Variants in RBMS3 observed in about 807,000 individuals in gnomAD.
RBMS3 encodes the protein RNA-binding motif, single-stranded-interacting protein 3.
Under a neutral mutation model 66.8 loss-of-function variants are expected in RBMS3, and 27 were observed. That is an observed-to-expected ratio of 0.40 (90% CI 0.30 to 0.56). The LOEUF (loss-of-function observed/expected upper bound fraction) is 0.56, where lower values mean the gene tolerates loss of function less well. RBMS3 is among the 20% of genes least tolerant of loss of function. The probability of loss-of-function intolerance (pLI) is 0.40; values close to 1 mark genes in which losing one functional copy is unlikely to be tolerated. For synonymous variants in RBMS3, 188 were observed against 183.0 expected (o/e 1.03, Z -0.22); for missense variants, 513 against 549.5 (o/e 0.93, Z 0.66).
At chr3:29,824,619 A>G (rs1358926481) in intron 6 of RBMS3, among the ~76,000 whole-genome samples, 5 of 152,162 alleles carry the variant, frequency 3.3e-5, no homozygotes, top group African/African-American at 1.2e-4. Flanking sequence ...ACCACTTCAC[A>G]GCAATTGCAG....
chr3:29,482,707 T>TTTC lies in RBMS3; in HGVS notation c.249-5732_249-5731insCTT, dbSNP rs1305627311. 1.5e-3 allele frequency among the ~76,000 whole-genome samples: 169 copies of TTTC among 109,576 alleles called. 2 individuals are homozygous for TTTC. The highest frequency in any genetic ancestry group is 5.3e-3 in the African/African-American group (125 of 23,778). The allele number at this position is 109,576 out of a possible 152,430, so 71.9% of individuals were successfully genotyped here. A position where few individuals can be genotyped will look rare whatever the true frequency, so the allele number is the denominator to read the frequency against. On this transcript the variant is annotated intron_variant, in intron 2 of 14. Coordinates refer to ENST00000383767, the MANE Select transcript of RBMS3 (RefSeq NM_001003793.3). Reference sequence around the variant, plus strand: ...CCATTTTCTTTCTTTCTTTCTTTTTTTTTTTTTTTTTTTTTTTTGAGACGG... The same window carrying TTTC: ...CCATTTTCTTTCTTTCTTTCTTTTTTTTCTTTTTTTTTTTTTTTTTTGAGACGG...
At chr3:29,602,524 C>T (rs2048181928) in intron 4 of RBMS3, among the ~76,000 whole-genome samples, 3 of 151,964 alleles carry the variant, frequency 2.0e-5, no homozygotes, top group Admixed American at 2.0e-4. Context: ...TGTGCTAATC[C>T]TTGTTGTTCC....
chr3:29,965,202 GAAT>G (rs1696745719), intron 12 of RBMS3, among the ~76,000 whole-genome samples: 1 of 152,014 alleles, frequency 6.6e-6, no homozygotes, highest in South Asian at 2.1e-4. Flanking sequence ...TATATTTTTT[GAAT>G]AATAATAATT....
intron 3 of RBMS3, among the ~76,000 whole-genome samples, chr3:29,502,330 C>G (rs1480466859): frequency 2.0e-5 from 3 of 152,022 alleles, no homozygotes; most frequent in Non-Finnish European, 4.4e-5. Context: ...TCATCCAAAC[C>G]TAAGTCTGTC....
intron 12 of RBMS3, among the ~76,000 whole-genome samples, chr3:29,947,676 T>C (rs538509509): frequency 7.5e-4 from 113 of 151,532 alleles, no homozygotes; most frequent in Admixed American, 2.2e-3. Context: ...ATAACAACTA[T>C]AACTCCTTTA....
intron 1 of RBMS3, among the ~76,000 whole-genome samples, chr3:29,349,957 C>T (rs1217889509): frequency 6.6e-6 from 1 of 151,984 alleles, no homozygotes; most frequent in Non-Finnish European, 1.5e-5. Flanking sequence ...GTTGGGAGTT[C>T]GAGACCAGCC....
At chr3:29,317,700 T>C (rs1402671989) in intron 1 of RBMS3, among the ~76,000 whole-genome samples, 2 of 151,856 alleles carry the variant, frequency 1.3e-5, no homozygotes, top group African/African-American at 2.4e-5. Flanking sequence ...GAAATAATTC[T>C]ACCTATTGAT....
At chr3:29,861,703 A>G (rs1397820214) in intron 6 of RBMS3, among the ~76,000 whole-genome samples, 1 of 152,218 alleles carries the variant, frequency 6.6e-6, no homozygotes, top group Non-Finnish European at 1.5e-5. Flanking sequence ...CTTGCTTAAA[A>G]CACCAAATCC....
intron 6 of RBMS3, among the ~76,000 whole-genome samples, chr3:29,804,922 T>C (rs2057498505): frequency 2.9e-5 from 1 of 34,894 alleles, no homozygotes; most frequent in Non-Finnish European, 7.3e-5. Context: ...TGCGTGTACG[T>C]GTGTGTGTGT....
intron 12 of RBMS3, among the ~76,000 whole-genome samples, chr3:29,946,736 A>G (rs1695340750): frequency 6.6e-6 from 1 of 151,628 alleles, no homozygotes; most frequent in African/African-American, 2.4e-5. Flanking sequence ...CATAGTAAGG[A>G]TTTAAGAAGA....
At chr3:29,330,490 C>T (rs182181950) in intron 1 of RBMS3, among the ~76,000 whole-genome samples, 41 of 151,232 alleles carry the variant, frequency 2.7e-4, no homozygotes, top group African/African-American at 9.3e-4. Context: ...CATAGCTCAT[C>T]CCCTTTTCTG....
chr3:29,938,992 C>A (rs1040067515), intron 11 of RBMS3, among the ~76,000 whole-genome samples: 1 of 151,906 alleles, frequency 6.6e-6, no homozygotes, highest in Admixed American at 6.6e-5. Context: ...CTGCTCATAC[C>A]CTTCACCTCC....
chr3:29,841,009 A>C (rs974390137), intron 6 of RBMS3, among the ~76,000 whole-genome samples: 8 of 152,014 alleles, frequency 5.3e-5, no homozygotes, highest in Non-Finnish European at 1.0e-4. Flanking sequence ...TCAAAATACT[A>C]GGAAAGTATA....
intron 3 of RBMS3, among the ~76,000 whole-genome samples, chr3:29,498,480 G>A (rs2043845688): frequency 1.3e-5 from 2 of 152,088 alleles, no homozygotes; most frequent in Non-Finnish European, 1.5e-5. Flanking sequence ...ATATATGTGT[G>A]TATTCAGTTC....
chr3:29,669,345 ACTGTTT>A (rs1476589176), intron 4 of RBMS3, among the ~76,000 whole-genome samples: 1 of 152,176 alleles, frequency 6.6e-6, no homozygotes, highest in African/African-American at 2.4e-5. Flanking sequence ...TGGTATCCAT[ACTGTTT>A]CTCCTCACTC....
chr3:29,503,559 C>G (rs2044059138), intron 3 of RBMS3, among the ~76,000 whole-genome samples: 1 of 152,090 alleles, frequency 6.6e-6, no homozygotes, highest in Non-Finnish European at 1.5e-5. Flanking sequence ...CATTCTACTT[C>G]CAGGCACCAA....
intron 6 of RBMS3, among the ~76,000 whole-genome samples, chr3:29,859,319 T>C (rs538119300): frequency 4.6e-5 from 7 of 152,186 alleles, no homozygotes; most frequent in Non-Finnish European, 1.0e-4. Flanking sequence ...TATATTTTTG[T>C]GAGTACTCAA....
chr3:29,925,820 T>G (rs1434489539), intron 10 of RBMS3, among the ~76,000 whole-genome samples: 1 of 152,096 alleles, frequency 6.6e-6, no homozygotes, highest in East Asian at 1.9e-4. Flanking sequence ...GGCCATACGT[T>G]AAGAAACAAG....
intron 3 of RBMS3, among the ~76,000 whole-genome samples, chr3:29,561,698 G>A (rs1166941086): frequency 2.6e-5 from 4 of 152,062 alleles, no homozygotes; most frequent in South Asian, 2.1e-4. Flanking sequence ...TGATCCGCCC[G>A]CCTCGGCCTC....
Sources: allele counts gnomAD v4.1 joint callset (sites outside exome capture counted in the v4.1 genomes callset), GRCh38; gene constraint gnomAD v4.1.1; transcripts MANE v1.5; gene names NCBI Gene and HGNC (gene_info 2026-07-23, HGNC 2026-07-21).